CCSER1: variants seen among roughly 807,000 people sequenced by gnomAD.
The protein encoded by CCSER1 is serine-rich coiled-coil domain-containing protein 1.
In CCSER1, 41 loss-of-function variants were observed where a neutral mutation model predicts 82.0. The observed-to-expected ratio is 0.50, with a 90% CI of 0.39 to 0.65. CCSER1 has a LOEUF of 0.65. Ranked by LOEUF, CCSER1 falls within the 30% of genes least tolerant of loss-of-function variation. The probability of loss-of-function intolerance (pLI) is 0.00; values close to 1 mark genes in which losing one functional copy is unlikely to be tolerated. For missense variants in CCSER1, 1,119 were observed against 1,064.2 expected, an observed-to-expected ratio of 1.05 and a Z score of -0.72; for synonymous variants, 414 against 383.9, an observed-to-expected ratio of 1.08 and a Z score of -0.92.
At chr4:90,479,235 A>G (rs1765536549) in intron 5 of CCSER1, among the ~76,000 whole-genome samples, 1 of 152,146 alleles carries the variant, frequency 6.6e-6, no homozygotes, top group African/African-American at 2.4e-5. Context: ...ATAAGTAACA[A>G]AATTCTTCAC....
chr4:90,952,617 A>AG (rs951052910), intron 9 of CCSER1, among the ~76,000 whole-genome samples: 1 of 151,926 alleles, frequency 6.6e-6, no homozygotes, highest in African/African-American at 2.4e-5. Context: ...TTTTTGCCTG[A>AG]GGAAGCATCA....
intron 9 of CCSER1, among the ~76,000 whole-genome samples, chr4:91,017,811 TTGTGTGTGTGTGTG>T (rs34719158): frequency 1.5e-4 from 22 of 143,908 alleles, no homozygotes; most frequent in Non-Finnish European, 2.6e-4. Context: ...GGTTTTTAAA[TTGTGTGTGTGTGTG>T]TGTGTGTGTG....
intron 10 of CCSER1, among the ~76,000 whole-genome samples, chr4:91,342,181 A>G (rs982289922): frequency 6.6e-6 from 1 of 152,196 alleles, no homozygotes; most frequent in African/African-American, 2.4e-5. Context: ...AAGATTGTTA[A>G]AATTATCATA....
Position 90,634,245 on chromosome 4 carries a change from A to G in CCSER1, c.1932+6013A>G, listed in dbSNP as rs140886470. 9.6e-4 allele frequency among the ~76,000 whole-genome samples: 146 copies of G among 151,860 alleles called. 1 individual carries two copies. In the East Asian group the frequency reaches 0.018, roughly 19 times the overall value. On this transcript the variant is annotated intron_variant, in intron 6 of 10. Coordinates refer to ENST00000509176, the MANE Select transcript of CCSER1 (RefSeq NM_001145065.2). ...AGGAACTACTTATTTGAAAATTTAT[A>G]TAATTTACAGGCCCATATAGTTGAT... is the stretch of plus-strand genomic sequence containing the variant.
intron 7 of CCSER1, among the ~76,000 whole-genome samples, chr4:90,767,899 C>T (rs748324490): frequency 1.3e-5 from 2 of 152,108 alleles, no homozygotes; most frequent in Non-Finnish European, 2.9e-5. Context: ...GAGATCCACA[C>T]ACCTGGGCCT....
chr4:90,920,145 G>A (rs1235434938), intron 8 of CCSER1, among the ~76,000 whole-genome samples: 3 of 151,828 alleles, frequency 2.0e-5, no homozygotes, highest in African/African-American at 7.2e-5. Context: ...TAAATTCATT[G>A]GTGGTCAAAG....
intron 3 of CCSER1, among the ~76,000 whole-genome samples, chr4:90,350,218 A>G (rs1024472129): frequency 1.3e-5 from 2 of 152,244 alleles, no homozygotes; most frequent in East Asian, 1.9e-4. Context: ...GAAGACGAAT[A>G]TGAACTGAGC....
At chr4:90,706,418 C>T (rs141245399) in intron 6 of CCSER1, among the ~76,000 whole-genome samples, 26 of 152,136 alleles carry the variant, frequency 1.7e-4, no homozygotes, top group African/African-American at 5.8e-4. Flanking sequence ...TGCACTCCAG[C>T]CTAGGTGACA....
At chr4:90,315,159 G>A (rs1196339605) in intron 3 of CCSER1, among the ~76,000 whole-genome samples, 3 of 151,866 alleles carry the variant, frequency 2.0e-5, no homozygotes, top group Non-Finnish European at 2.9e-5. Flanking sequence ...CCTCCGATCC[G>A]CTTTTAAGAT....
chr4:91,035,701 T>G (rs1561489713), intron 9 of CCSER1, among the ~76,000 whole-genome samples: 1 of 152,186 alleles, frequency 6.6e-6, no homozygotes, highest in Non-Finnish European at 1.5e-5. Context: ...TAGGTAATTT[T>G]GGGTTTTCTA....
intron 4 of CCSER1, among the ~76,000 whole-genome samples, chr4:90,441,315 A>G (rs1259658663): frequency 1.3e-5 from 2 of 152,152 alleles, no homozygotes; most frequent in Non-Finnish European, 2.9e-5. Context: ...TGGCCTAAAC[A>G]ATAGATATTT....
At chr4:90,131,886 C>T (rs1308425480) in intron 1 of CCSER1, among the ~76,000 whole-genome samples, 1 of 152,018 alleles carries the variant, frequency 6.6e-6, no homozygotes, top group Admixed American at 6.6e-5. Flanking sequence ...TTTAGACAAA[C>T]TGCTTAAAAT....
intron 7 of CCSER1, among the ~76,000 whole-genome samples, chr4:90,804,618 A>G (rs1210712215): frequency 6.6e-6 from 1 of 151,984 alleles, no homozygotes; most frequent in African/African-American, 2.4e-5. Context: ...TTACTGTAGC[A>G]TTTCAGCATA....
intron 10 of CCSER1, among the ~76,000 whole-genome samples, chr4:91,323,117 G>A (rs890702428): frequency 1.3e-5 from 2 of 152,220 alleles, no homozygotes; most frequent in African/African-American, 2.4e-5. Flanking sequence ...AGAAACATGC[G>A]GGCTGGACTC....
intron 5 of CCSER1, among the ~76,000 whole-genome samples, chr4:90,479,357 A>G (rs973570083): frequency 5.3e-5 from 8 of 151,936 alleles, no homozygotes; most frequent in Admixed American, 4.6e-4. Flanking sequence ...CATTAGTGTC[A>G]TTATTCATTT....
chr4:91,437,661 C>A (rs1754758550), intron 10 of CCSER1, among the ~76,000 whole-genome samples: 1 of 152,166 alleles, frequency 6.6e-6, no homozygotes, highest in African/African-American at 2.4e-5. Context: ...CCTGCGCCAG[C>A]CGAAGCAGGG....
chr4:91,407,168 A>G (rs907554094), intron 10 of CCSER1, among the ~76,000 whole-genome samples: 10 of 152,216 alleles, frequency 6.6e-5, no homozygotes, highest in African/African-American at 2.4e-4. Flanking sequence ...GACATACAAG[A>G]AAAATAAATA....
intron 10 of CCSER1, among the ~76,000 whole-genome samples, chr4:91,115,841 T>TTTTATATATATATATA (rs747363416): frequency 7.8e-5 from 9 of 115,206 alleles, no homozygotes; most frequent in African/African-American, 3.0e-4. Flanking sequence ...TTCCATTCTT[T>TTTTATATATATATATA]TATATATATA....
chr4:90,881,662 G>A (rs1721340175), intron 8 of CCSER1, among the ~76,000 whole-genome samples: 1 of 152,172 alleles, frequency 6.6e-6, no homozygotes, highest in Non-Finnish European at 1.5e-5. Flanking sequence ...GCACACGCCT[G>A]TGGTCCTGGC....
Sources: allele counts gnomAD v4.1 joint callset (sites outside exome capture counted in the v4.1 genomes callset), GRCh38; gene constraint gnomAD v4.1.1; transcripts MANE v1.5; gene names NCBI Gene and HGNC (gene_info 2026-07-23, HGNC 2026-07-21).